Variants in CDK18 observed in about 807,000 individuals in gnomAD.
CDK18 encodes the protein cyclin-dependent kinase 18.
CDK18 carries 52 observed loss-of-function variants against 62.0 expected under a neutral mutation model. That is an observed-to-expected ratio of 0.84 (90% CI 0.67 to 1.06). The LOEUF (loss-of-function observed/expected upper bound fraction) is 1.06, where lower values mean the gene tolerates loss of function less well. CDK18 is among the 50% of genes least tolerant of loss of function. The pLI is 0.00. For synonymous variants in CDK18, 237 were observed against 247.0 expected (o/e 0.96, Z 0.38); for missense variants, 604 against 619.9 (o/e 0.97, Z 0.27).
intron 1 of CDK18, among the ~76,000 whole-genome samples, chr1:205,505,871 G>C (rs1194909162): frequency 1.3e-5 from 2 of 152,118 alleles, no homozygotes; most frequent in Non-Finnish European, 2.9e-5. Context: ...CCTCTTCCGC[G>C]CTATCTGCTA....
At chr1:205,523,776 C>A in intron 3 of CDK18, 151 bp downstream of exon 3, 2 of 942,912 alleles carry the variant, frequency 2.1e-6, no homozygotes, top group South Asian at 1.8e-5. Flanking sequence ...AGTTACTCAA[C>A]CTCTGTGCAC....
intron 13 of CDK18, 172 bp downstream of exon 13, chr1:205,529,735 CTG>C: frequency 6.5e-7 from 1 of 1,537,218 alleles, no homozygotes; most frequent in Non-Finnish European, 8.7e-7. Flanking sequence ...TACACATCCT[CTG>C]GAGTCTGTGC....
chr1:205,525,310 C>A (rs939921504), intron 5 of CDK18, 115 bp downstream of exon 5: 1 of 649,186 alleles, frequency 1.5e-6, no homozygotes, highest in East Asian at 2.8e-5. Context: ...CCTCTCCTGG[C>A]CCCTGCCCCA....
intron 1 of CDK18, among the ~76,000 whole-genome samples, chr1:205,512,213 G>A (rs1667596834): frequency 6.6e-6 from 1 of 152,192 alleles, no homozygotes; most frequent in Non-Finnish European, 1.5e-5. Flanking sequence ...CTTCGGGAGG[G>A]GATGAGGTCA....
At position 205,529,339 on chromosome 1, in the gene CDK18, A is replaced by C; in HGVS notation, c.1088A>C (p.Glu363Ala). The C allele has an allele frequency of 1.2e-6, 2 of 1,613,772 alleles. No homozygotes were observed. The highest frequency in any genetic ancestry group is 1.7e-6 in the Non-Finnish European group (2 of 1,179,846). Residue 363 changes from glutamate to alanine, a missense_variant, in exon 12 of 16, where the codon GAG (glutamate) becomes GCG (alanine). Coordinates refer to ENST00000429964, the MANE Select transcript of CDK18 (RefSeq NM_212502.3). ...IFRLLGTPTEETWPGVTAFSE... is the reference protein window; with the variant it reads ...IFRLLGTPTEATWPGVTAFSE... Reference sequence around the variant, plus strand: ...GTCTCCCCAGGGACCCCCACAGAAGAGACGTGGCCCGGCGTGACCGCCTTC... The same window carrying C: ...GTCTCCCCAGGGACCCCCACAGAAGCGACGTGGCCCGGCGTGACCGCCTTC...
intron 13 of CDK18, 145 bp downstream of exon 13, chr1:205,529,708 C>G: frequency 6.5e-7 from 1 of 1,544,564 alleles, no homozygotes; most frequent in African/African-American, 1.4e-5. Flanking sequence ...ACCCCCAAGG[C>G]CAAGGGGTGG....
At chr1:205,526,321 G>A in intron 6 of CDK18, 46 bp from the exon 7 acceptor site, 1 of 1,518,936 alleles carries the variant, frequency 6.6e-7, no homozygotes, top group Non-Finnish European at 9.1e-7. Context: ...GAGGGTATGG[G>A]GACACATGGG....
intron 1 of CDK18, among the ~76,000 whole-genome samples, chr1:205,511,824 C>T (rs561797215): frequency 1.7e-4 from 26 of 152,234 alleles, no homozygotes; most frequent in South Asian, 4.2e-4. Flanking sequence ...GAGGCCGAGG[C>T]GGGCGGATTA....
intron 1 of CDK18, among the ~76,000 whole-genome samples, chr1:205,514,718 C>T (rs1313264002): frequency 2.6e-5 from 4 of 152,164 alleles, no homozygotes; most frequent in Admixed American, 2.0e-4. Context: ...CTTGTTCATT[C>T]GTTCCACAAA....
chr1:205,515,752 C>A (rs115145817), intron 1 of CDK18, among the ~76,000 whole-genome samples: 1 of 152,118 alleles, frequency 6.6e-6, no homozygotes, highest in Non-Finnish European at 1.5e-5. Context: ...GAGACAATGG[C>A]GTATTTGTCT....
rs17850752 is a variant in CDK18, at chr1:205,526,105, C to T, written c.497C>T (p.Thr166Met). The T allele has an allele frequency of 4.4e-3, 7,157 of 1,614,022 alleles. 35 individuals are homozygous for T. Among genetic ancestry groups the T allele is most frequent in the Middle Eastern group, 0.014 (83 of 6,062 alleles). Residue 166 changes from threonine (T) to methionine (M), a missense_variant, in exon 6 of 16, where the codon ACG (threonine) becomes ATG (methionine). By Grantham distance (81) the Thr-to-Met change is moderately conservative. Transcript: ENST00000429964. ...GTCTTCAAAGGGCGCAGCAAACTGA[C>T]GGAGAACCTTGTGGCCCTGAAAGAG... is the stretch of plus-strand genomic sequence containing the variant. ...ATVFKGRSKL[T>M]ENLVALKEIR...
chr1:205,524,392 G>A (rs1668312253), intron 4 of CDK18, 35 bp downstream of exon 4: 2 of 1,613,036 alleles, frequency 1.2e-6, no homozygotes, highest in South Asian at 1.1e-5. Context: ...CACAAGGTGG[G>A]GTGATATGCC....
intron 8 of CDK18, 35 bp downstream of exon 8, chr1:205,526,872 C>T (rs1411657692): frequency 1.9e-6 from 3 of 1,565,888 alleles, no homozygotes; most frequent in Non-Finnish European, 2.6e-6. Context: ...CCCATCTTGG[C>T]AGCCACCTGT....
chr1:205,509,621 G>A (rs1001257204), intron 1 of CDK18, among the ~76,000 whole-genome samples: 15 of 152,152 alleles, frequency 9.9e-5, no homozygotes, highest in African/African-American at 3.6e-4. Context: ...CCACCTAGTA[G>A]CTCTTTGCTT....
chr1:205,522,659 A>C (rs1475146759), intron 1 of CDK18: 1 of 152,894 alleles, frequency 6.5e-6, no homozygotes, highest in Non-Finnish European at 1.5e-5. Flanking sequence ...AGTAAGATTT[A>C]TTGGCTGTTG....
intron 4 of CDK18, 119 bp from the exon 5 acceptor site, chr1:205,525,020 C>A: frequency 1.7e-6 from 1 of 580,598 alleles, no homozygotes. Context: ...GGAAAAGGAG[C>A]CCCTTCCACC....
chr1:205,512,734 C>T (rs1461075504), intron 1 of CDK18, among the ~76,000 whole-genome samples: 1 of 152,176 alleles, frequency 6.6e-6, no homozygotes, highest in Non-Finnish European at 1.5e-5. Context: ...AAGTTGGAGA[C>T]GACCAGCCAG....
chr1:205,520,654 C>T (rs1262732893), intron 1 of CDK18, among the ~76,000 whole-genome samples: 1 of 149,514 alleles, frequency 6.7e-6, no homozygotes, highest in Non-Finnish European at 1.5e-5. Context: ...GAGCCAAGAT[C>T]ACGCCACTGC....
intron 1 of CDK18, among the ~76,000 whole-genome samples, chr1:205,515,467 G>A (rs527314014): frequency 9.2e-5 from 14 of 152,280 alleles, no homozygotes; most frequent in Admixed American, 2.6e-4. Context: ...ATGAGCCACC[G>A]CGCCTAGCCA....
Sources: allele counts gnomAD v4.1 joint callset (sites outside exome capture counted in the v4.1 genomes callset), GRCh38; gene constraint gnomAD v4.1.1; transcripts MANE v1.5; gene names NCBI Gene and HGNC (gene_info 2026-07-23, HGNC 2026-07-21).